AZU1: variants seen among roughly 807,000 people sequenced by gnomAD.
AZU1 encodes the protein azurocidin.
AZU1 carries 21 observed loss-of-function variants against 17.8 expected under a neutral mutation model. The observed-to-expected ratio is 1.18, with a 90% CI of 0.84 to 1.70. The LOEUF is 1.70. AZU1 is among the 40% of genes most tolerant of loss of function. AZU1 has a pLI of 0.00. For synonymous variants in AZU1, 178 were observed against 155.2 expected (o/e 1.15, Z -1.09); for missense variants, 379 against 362.9 (o/e 1.04, Z -0.36).
chr19:829,259 T>C (rs1334794612), intron 2 of AZU1, among the ~76,000 whole-genome samples: 25 of 70,672 alleles, frequency 3.5e-4, no homozygotes, highest in South Asian at 9.9e-4. Context: ...ATGGAGGAGG[T>C]GCAGAGAAGG....
At chr19:829,428 A>G (rs929507231) in intron 2 of AZU1, 134 bp from the exon 3 acceptor site, 9 of 1,268,310 alleles carry the variant, frequency 7.1e-6, no homozygotes, top group Non-Finnish European at 9.8e-6. Context: ...CTGCTTCTGT[A>G]AAAGCGGGGG....
At chr19:830,987 G>A (rs2035281762) in intron 4 of AZU1, 46 bp downstream of exon 4, 2 of 1,557,428 alleles carry the variant, frequency 1.3e-6, no homozygotes, top group Non-Finnish European at 8.7e-7. Flanking sequence ...GAGGTACTGA[G>A]CTCTCCGTGG....
intron 4 of AZU1, 31 bp from the exon 5 acceptor site, chr19:831,685 G>T: frequency 6.4e-7 from 1 of 1,558,362 alleles, no homozygotes; most frequent in Non-Finnish European, 8.7e-7. Context: ...CCAGGCCCTG[G>T]GACGCCCTGA....
intron 3 of AZU1, among the ~76,000 whole-genome samples, chr19:829,986 G>C (rs1174787792): frequency 6.7e-6 from 1 of 148,918 alleles, no homozygotes; most frequent in Non-Finnish European, 1.5e-5. Context: ...ATCTTGCCGG[G>C]TGAGGTGGCT....
intron 2 of AZU1, 84 bp from the exon 3 acceptor site, chr19:829,478 C>A: frequency 1.3e-6 from 2 of 1,507,660 alleles, no homozygotes; most frequent in South Asian, 1.2e-5. Flanking sequence ...AGGCTGGGAT[C>A]CCCCCTAATT....
In AZU1 at chr19:827,855, G is replaced by C; in HGVS notation, c.9G>C (p.Arg3=). The stretch of plus-strand genomic sequence containing the variant: ...CACAGACCTGCCCCGCCATGACCCG[G>C]CTGACAGTCCTGGCCCTGCTGGCTG... MT[R]LTVLALLAGL... The change falls in exon 1 of 5, where the codon CGG becomes CGC. Residue 3 remains arginine, a synonymous_variant. Coordinates refer to ENST00000233997, the MANE Select transcript of AZU1 (RefSeq NM_001700.5). 1 of 1,536,660 alleles carries C rather than the reference G, an allele frequency of 6.5e-7. No individual in the cohort carries two copies. Among genetic ancestry groups the C allele is most frequent in the Non-Finnish European group, 8.7e-7 (1 of 1,147,168 alleles).
chr19:829,793 A>G (rs1312324566), intron 3 of AZU1, 87 bp downstream of exon 3: 1 of 1,502,502 alleles, frequency 6.7e-7, no homozygotes, highest in Admixed American at 2.1e-5. Flanking sequence ...TCTCTACAAA[A>G]AAATACAAAA....
chr19:831,046 G>C lies in AZU1; in HGVS notation c.594+105G>C, dbSNP rs550259328. ...AGGGCGGCACAGCAGGGGGGCCCCA[G>C]GATTGAGCATTTTCACGGTAGGAGA... is the stretch of plus-strand genomic sequence containing the variant. On this transcript the variant is annotated intron_variant, in intron 4 of 4. Transcript: ENST00000233997. The C allele has an allele frequency of 1.6e-4, 170 of 1,054,588 alleles. 1 individual carries two copies. Among genetic ancestry groups the C allele is most frequent in the Non-Finnish European group, 2.1e-4 (156 of 731,904 alleles). 65.3% of individuals were successfully genotyped at this position (1,054,588 alleles called of 1,614,324 possible). A position where few individuals can be genotyped will look rare whatever the true frequency, so the allele number is the denominator to read the frequency against.
Position 828,397 on chromosome 19 carries a change from C to T in AZU1, c.215+11C>T. On this transcript the variant is annotated intron_variant, in intron 2 of 4. Transcript: ENST00000233997. Reference sequence around the variant, plus strand: ...CTGCTTCCAAAGCCAGTGAGGGGTCCTGGGGAGGGGGCCTAGGGGGCATTG... The same window carrying T: ...CTGCTTCCAAAGCCAGTGAGGGGTCTTGGGGAGGGGGCCTAGGGGGCATTG... 6.8e-7 allele frequency: 1 copy of T among 1,470,044 alleles called. No homozygotes were observed. Among genetic ancestry groups the T allele is most frequent in the Non-Finnish European group, 9.1e-7 (1 of 1,101,050 alleles). The allele number at this position is 1,470,044 out of a possible 1,614,324, so 91.1% of individuals were successfully genotyped here.
At chr19:830,993 C>A (rs540843317) in intron 4 of AZU1, 52 bp downstream of exon 4, 58 of 1,546,000 alleles carry the variant, frequency 3.8e-5, no homozygotes, top group Middle Eastern at 1.7e-4. Flanking sequence ...CTGAGCTCTC[C>A]GTGGCAGGAG....
intron 1 of AZU1, 70 bp from the exon 2 acceptor site, chr19:828,160 C>T: frequency 4.0e-6 from 6 of 1,500,078 alleles, no homozygotes; most frequent in Non-Finnish European, 5.4e-6. Flanking sequence ...GCTGAGGCTG[C>T]AGCTTCACAC....
At chr19:831,080 C>CTTTTT in intron 4 of AZU1, 139 bp downstream of exon 4, 1 of 591,038 alleles carries the variant, frequency 1.7e-6, no homozygotes, top group Non-Finnish European at 2.8e-6. Context: ...GAAACAGTAT[C>CTTTTT]TTTTTTTTTT....
At chr19:830,985 G>A (rs1871810817) in intron 4 of AZU1, 44 bp downstream of exon 4, 1 of 1,567,314 alleles carries the variant, frequency 6.4e-7, no homozygotes, top group Non-Finnish European at 8.7e-7. Context: ...GAGAGGTACT[G>A]AGCTCTCCGT....
At chr19:829,968 G>C (rs2035267655) in intron 3 of AZU1, among the ~76,000 whole-genome samples, 1 of 151,154 alleles carries the variant, frequency 6.6e-6, no homozygotes, top group Non-Finnish European at 1.5e-5. Flanking sequence ...GTGTGTGTGT[G>C]TGTGTGTATC....
intron 1 of AZU1, 129 bp from the exon 2 acceptor site, chr19:828,101 G>A: frequency 7.5e-7 from 1 of 1,330,148 alleles, no homozygotes; most frequent in Non-Finnish European, 1.0e-6. Context: ...TTAGGGAGTG[G>A]GACGATGGGG....
intron 1 of AZU1, 36 bp from the exon 2 acceptor site, chr19:828,194 T>A: frequency 6.4e-7 from 1 of 1,560,878 alleles, no homozygotes; most frequent in East Asian, 2.3e-5. Context: ...CTGTGTGGAT[T>A]CTTGGGGATC....
At chr19:830,576 G>A (rs545415541) in intron 3 of AZU1, 132 bp from the exon 4 acceptor site, 16 of 804,144 alleles carry the variant, frequency 2.0e-5, no homozygotes, top group South Asian at 1.5e-4. Flanking sequence ...CACCGCACCC[G>A]GCCCCTGCCG....
chr19:831,839 G>C lies in AZU1; in HGVS notation c.718G>C (p.Asp240His). 3 of 1,612,720 alleles carry C rather than the reference G, an allele frequency of 1.9e-6. No individual in the cohort carries two copies. Among genetic ancestry groups the C allele is most frequent in the Non-Finnish European group, 2.5e-6 (3 of 1,179,794 alleles). Residue 240 changes from aspartate to histidine, a missense_variant, in exon 5 of 5, where the codon GAT (aspartate) becomes CAT (histidine). Coordinates refer to ENST00000233997, the MANE Select transcript of AZU1 (RefSeq NM_001700.5). ...TRVALFRDWI[D>H]GVLNNPGPGP... is the part of the protein sequence containing the mutation. ...AGTGGCGCTCTTCCGAGACTGGATC[G>C]ATGGTGTTCTCAACAACCCGGGACC...
intron 2 of AZU1, 108 bp from the exon 3 acceptor site, chr19:829,454 G>A: frequency 1.4e-6 from 2 of 1,418,582 alleles, no homozygotes; most frequent in Non-Finnish European, 1.9e-6. Context: ...TCAGGGTGAA[G>A]GATTGCAGTC....
Sources: allele counts gnomAD v4.1 joint callset (sites outside exome capture counted in the v4.1 genomes callset), GRCh38; gene constraint gnomAD v4.1.1; transcripts MANE v1.5; gene names NCBI Gene and HGNC (gene_info 2026-07-23, HGNC 2026-07-21).